Variants in SIN3A observed in about 807,000 individuals in gnomAD.
SIN3A encodes the protein SIN3 transcription regulator family member A.
A neutral mutation model predicts 146.1 loss-of-function variants in SIN3A; 14 were observed. The observed-to-expected ratio is 0.10, with a 90% CI of 0.06 to 0.15. The LOEUF is 0.15. SIN3A is among the 10% of genes least tolerant of loss of function. The probability of loss-of-function intolerance (pLI) is 1.00; values close to 1 mark genes in which losing one functional copy is unlikely to be tolerated. For missense variants in SIN3A, 1,028 were observed against 1,576.0 expected (o/e 0.65, Z 5.89); for synonymous variants, 572 against 572.0 (o/e 1.00, Z 0.00).
intron 7 of SIN3A, 56 bp from the exon 8 acceptor site, chr15:75,410,047 C>T: frequency 6.2e-7 from 1 of 1,606,268 alleles, no homozygotes; most frequent in South Asian, 1.1e-5. Context: ...CAAATATCAT[C>T]TAGGAAAAGT....
Position 75,389,589 on chromosome 15 carries a change from C to T in SIN3A, c.3021+63G>A, listed in dbSNP as rs141978763. 91 of 1,535,772 alleles carry T rather than the reference C, an allele frequency of 5.9e-5. No individual in the cohort carries two copies. The African/African-American group carries it at 9.6e-4, about 16-fold the overall frequency. On this transcript the variant is annotated intron_variant, in intron 16 of 20. Transcript: ENST00000394947. Reference sequence around the variant, plus strand: ...AAAAAGTTGCCTTTCCTTTTCCTTGCGTGGCCCATCTCTAGGTAAGGATTT... The same window carrying T: ...AAAAAGTTGCCTTTCCTTTTCCTTGTGTGGCCCATCTCTAGGTAAGGATTT...
intron 3 of SIN3A, among the ~76,000 whole-genome samples, chr15:75,414,804 T>A (rs2073703802): frequency 6.6e-6 from 1 of 152,112 alleles, no homozygotes; most frequent in Admixed American, 6.6e-5. Flanking sequence ...CAGGAGGTAA[T>A]GTATAAACTG....
chr15:75,373,032 C>T (rs182450954), intron 20 of SIN3A, among the ~76,000 whole-genome samples: 9 of 152,184 alleles, frequency 5.9e-5, no homozygotes, highest in Middle Eastern at 3.4e-3. Flanking sequence ...ACTGTGTTAC[C>T]CCACCCTGGG....
chr15:75,387,929 C>T (rs1036208259), intron 16 of SIN3A, among the ~76,000 whole-genome samples: 2 of 152,150 alleles, frequency 1.3e-5, no homozygotes, highest in African/African-American at 4.8e-5. Flanking sequence ...GGCCTAACAA[C>T]TTCTTCAACT....
intron 1 of SIN3A, among the ~76,000 whole-genome samples, chr15:75,445,555 A>G (rs1233467539): frequency 3.3e-5 from 5 of 151,322 alleles, no homozygotes; most frequent in African/African-American, 7.3e-5. Flanking sequence ...TGGGAGACAG[A>G]GCAAAACTCC....
chr15:75,392,782 C>T lies in SIN3A; in HGVS notation c.2311G>A (p.Val771Ile). ...QEQATEENAG[V>I]PVGPHLSLAY... ...AGTGAGAGGTGTGGGCCAACAGGTA[C>T]ACCAGCATTCTCCTCCGTAGCCTGC... Residue 771 changes from valine to isoleucine, a missense_variant, in exon 15 of 21, where the codon GTA becomes ATA. Coordinates refer to ENST00000394947, the MANE Select transcript of SIN3A (RefSeq NM_001145358.2). The T allele has an allele frequency of 1.2e-6, 2 of 1,613,426 alleles. No homozygotes were observed. Among genetic ancestry groups the T allele is most frequent in the Non-Finnish European group, 1.7e-6 (2 of 1,179,730 alleles).
chr15:75,404,896 C>G (rs1595902930), intron 9 of SIN3A, among the ~76,000 whole-genome samples: 1 of 152,136 alleles, frequency 6.6e-6, no homozygotes, highest in Non-Finnish European at 1.5e-5. Context: ...CTTTGGAAGG[C>G]AAATGCTGAG....
At chr15:75,423,866 C>T (rs531000207) in intron 2 of SIN3A, among the ~76,000 whole-genome samples, 43 of 151,960 alleles carry the variant, frequency 2.8e-4, no homozygotes, top group Non-Finnish European at 5.4e-4. Flanking sequence ...CGTGGTAACA[C>T]GCATCTGTAA....
At chr15:75,390,511 CA>C (rs2073180578) in intron 15 of SIN3A, among the ~76,000 whole-genome samples, 2 of 152,278 alleles carry the variant, frequency 1.3e-5, no homozygotes, top group South Asian at 4.2e-4. Context: ...GCAGAGGGCA[CA>C]AGGAGTATTA....
At chr15:75,438,236 G>GTAGC (rs1595925972) in intron 1 of SIN3A, among the ~76,000 whole-genome samples, 2 of 152,054 alleles carry the variant, frequency 1.3e-5, no homozygotes, top group East Asian at 3.9e-4. Context: ...GTGGTTGTGG[G>GTAGC]TGCCTGTAAT....
intron 1 of SIN3A, among the ~76,000 whole-genome samples, chr15:75,431,067 C>T (rs761380297): frequency 2.4e-4 from 36 of 152,316 alleles, no homozygotes; most frequent in Non-Finnish European, 3.8e-4. Context: ...TGAGCCACCG[C>T]GCCCGGCCTC....
At position 75,406,435 on chromosome 15, in the gene SIN3A, C is replaced by G. The variant is rs2073516612; in HGVS notation, c.1407+620G>C. 2.6e-5 allele frequency among the ~76,000 whole-genome samples: 4 copies of G among 152,212 alleles called. No homozygotes were observed. The South Asian group carries it at 8.3e-4, about 31-fold the overall frequency. ...AGGCGCGGTGGCTCACGCCTGTAATCCCAGCACTTTGGGAGGCCGAGGCGG... is the reference window on the plus strand; with the variant it reads ...AGGCGCGGTGGCTCACGCCTGTAATGCCAGCACTTTGGGAGGCCGAGGCGG... On this transcript the variant is annotated intron_variant, in intron 9 of 20. Transcript: ENST00000394947.
chr15:75,442,146 A>C (rs1292590607), intron 1 of SIN3A, among the ~76,000 whole-genome samples: 2 of 149,232 alleles, frequency 1.3e-5, no homozygotes, highest in Admixed American at 6.7e-5. Context: ...AAAAAAAAAA[A>C]AAAAAAACTG....
chr15:75,402,120 C>T (rs1216804903), intron 9 of SIN3A, 150 bp from the exon 10 acceptor site: 1 of 615,512 alleles, frequency 1.6e-6, no homozygotes, highest in East Asian at 2.8e-5. Flanking sequence ...GTAGCTGGGA[C>T]TACAGGTGTG....
intron 3 of SIN3A, chr15:75,419,353 A>G (rs1281410789): frequency 6.6e-6 from 1 of 152,238 alleles, no homozygotes; most frequent in Non-Finnish European, 1.5e-5. Flanking sequence ...AATAGCATGC[A>G]TCATTACACA....
intron 3 of SIN3A, chr15:75,421,030 G>A (rs2073833179): frequency 6.6e-6 from 1 of 152,178 alleles, no homozygotes; most frequent in Non-Finnish European, 1.5e-5. Flanking sequence ...GTCCTGTGAG[G>A]AAGGTGGGTA....
intron 19 of SIN3A, among the ~76,000 whole-genome samples, chr15:75,377,421 T>C (rs1030277890): frequency 2.0e-5 from 3 of 152,110 alleles, no homozygotes; most frequent in Admixed American, 6.5e-5. Flanking sequence ...GGTCAGGAGT[T>C]TGAGACTAGC....
At chr15:75,435,171 G>A (rs1465345532) in intron 1 of SIN3A, among the ~76,000 whole-genome samples, 1 of 151,742 alleles carries the variant, frequency 6.6e-6, no homozygotes, top group African/African-American at 2.4e-5. Context: ...ACGAGTATAA[G>A]AAATGAACTC....
At chr15:75,412,139 T>C (rs941697906) in intron 5 of SIN3A, among the ~76,000 whole-genome samples, 40 of 152,248 alleles carry the variant, frequency 2.6e-4, no homozygotes, top group African/African-American at 9.2e-4. Flanking sequence ...ACGCCAACTC[T>C]GTCCTGTAGA....
Sources: gnomAD v4.1 joint callset for allele counts (sites outside exome capture counted in the v4.1 genomes callset) on GRCh38, gnomAD v4.1.1 for gene constraint, MANE v1.5 for transcripts, NCBI Gene and HGNC (gene_info 2026-07-23, HGNC 2026-07-21) for gene names.